CEP112: variants seen among roughly 807,000 people sequenced by gnomAD.
The protein encoded by CEP112 is centrosomal protein of 112 kDa.
In CEP112, 127 loss-of-function variants were observed where a neutral mutation model predicts 153.0. That is an observed-to-expected ratio of 0.83 (90% confidence interval 0.72 to 0.96). The LOEUF (loss-of-function observed/expected upper bound fraction) is 0.96, where lower values mean the gene tolerates loss of function less well. Ranked by LOEUF, CEP112 falls within the 40% of genes least tolerant of loss-of-function variation. The pLI, the probability that CEP112 is intolerant of heterozygous loss-of-function variation, is 0.00. For synonymous variants in CEP112, 358 were observed against 374.4 expected, an observed-to-expected ratio of 0.96 and a Z score of 0.51; for missense variants, 1,089 against 1,101.2, an observed-to-expected ratio of 0.99 and a Z score of 0.16.
intron 20 of CEP112, among the ~76,000 whole-genome samples, chr17:65,888,372 C>T (rs2059355420): frequency 6.6e-6 from 1 of 152,052 alleles, no homozygotes; most frequent in African/African-American, 2.4e-5. Context: ...AGAATCCTTG[C>T]AGGGGAGGCC....
chr17:66,024,448 A>G (rs1470002040), intron 16 of CEP112, among the ~76,000 whole-genome samples: 1 of 152,114 alleles, frequency 6.6e-6, no homozygotes, highest in African/African-American at 2.4e-5. Context: ...AACCTCTTAA[A>G]TATTAAAACT....
intron 4 of CEP112, among the ~76,000 whole-genome samples, chr17:66,150,371 T>TG (rs1012304961): frequency 2.0e-5 from 3 of 151,746 alleles, no homozygotes; most frequent in Non-Finnish European, 4.4e-5. Flanking sequence ...CTAATTTTTT[T>TG]TTGTTATTTT....
intron 17 of CEP112, among the ~76,000 whole-genome samples, chr17:65,970,207 T>TAA: frequency 8.0e-6 from 1 of 125,240 alleles, no homozygotes; most frequent in African/African-American, 2.7e-5. Context: ...TGCATGCATG[T>TAA]CATGCATGCA....
At chr17:66,117,055 T>G (rs898208350) in intron 6 of CEP112, among the ~76,000 whole-genome samples, 1 of 151,898 alleles carries the variant, frequency 6.6e-6, no homozygotes, top group African/African-American at 2.4e-5. Flanking sequence ...TTACAAAAAT[T>G]TTTACAAAAA....
At chr17:65,938,978 ATTG>A (rs1039051740) in intron 18 of CEP112, among the ~76,000 whole-genome samples, 2 of 151,900 alleles carry the variant, frequency 1.3e-5, no homozygotes, top group African/African-American at 4.8e-5. Flanking sequence ...TGCCCAACTA[ATTG>A]TTGTATTTTT....
chr17:65,781,244 C>A (rs2053978981), intron 21 of CEP112, among the ~76,000 whole-genome samples: 1 of 152,068 alleles, frequency 6.6e-6, no homozygotes, highest in Non-Finnish European at 1.5e-5. Flanking sequence ...AGAGCCAAAT[C>A]AGGAATGCAA....
chr17:65,956,377 TAAAG>T lies in CEP112; in HGVS notation c.1872+5082_1872+5085del, dbSNP rs1303707913. ...AAATGCCCGTAAGTCAACGAGTGGA[TAAAG>T]AAATTATGATATATATACATACATA... On this transcript the variant is annotated intron_variant, in intron 18 of 26. Coordinates refer to ENST00000535342, the MANE Select transcript of CEP112 (RefSeq NM_001199165.4). Among the ~76,000 whole-genome samples, 6 of 148,554 alleles carry T rather than the reference TAAAG, an allele frequency of 4.0e-5. No homozygotes were observed. In the East Asian group the frequency reaches 1.2e-3, roughly 30 times the overall value.
chr17:65,862,814 A>T lies in CEP112; in HGVS notation c.2164-10780T>A, dbSNP rs1055611937. 4.3e-4 allele frequency among the ~76,000 whole-genome samples: 66 copies of T among 152,302 alleles called. 1 individual carries two copies. The highest frequency in any genetic ancestry group is 2.9e-3 in the Admixed American group (45 of 15,296). On this transcript the variant is annotated intron_variant, in intron 20 of 26. Coordinates refer to ENST00000535342, the MANE Select transcript of CEP112 (RefSeq NM_001199165.4). ...AAATTTTAGGACAATAATTATTTTT[A>T]ATACATTGTAAGAGTGCTACTATTT...
chr17:65,922,432 T>A (rs1426701552), intron 19 of CEP112, among the ~76,000 whole-genome samples: 1 of 152,198 alleles, frequency 6.6e-6, no homozygotes, highest in Non-Finnish European at 1.5e-5. Context: ...TTTTATTTAG[T>A]CAAATGCATT....
intron 19 of CEP112, among the ~76,000 whole-genome samples, chr17:65,903,773 G>T (rs943749137): frequency 2.0e-5 from 3 of 152,164 alleles, no homozygotes; most frequent in Non-Finnish European, 4.4e-5. Context: ...CCATGATCAA[G>T]TCGGCTTCAT....
chr17:65,908,847 T>C (rs558112383), intron 19 of CEP112, among the ~76,000 whole-genome samples: 1 of 152,312 alleles, frequency 6.6e-6, no homozygotes, highest in African/African-American at 2.4e-5. Context: ...TACAGCTTGA[T>C]GATGACGTCT....
chr17:65,748,294 C>T (rs915071055), intron 22 of CEP112, among the ~76,000 whole-genome samples: 6 of 152,118 alleles, frequency 3.9e-5, no homozygotes, highest in East Asian at 1.9e-4. Flanking sequence ...TTTGGTGTTG[C>T]GCTGTCCCTT....
chr17:65,677,073 GACAA>G (rs35383076), intron 24 of CEP112, among the ~76,000 whole-genome samples: 17,084 of 152,032 alleles, frequency 0.11, 1,115 homozygotes, highest in Admixed American at 0.2. Context: ...TCAGGGCCAA[GACAA>G]ACAGATTGCA....
intron 4 of CEP112, among the ~76,000 whole-genome samples, chr17:66,165,198 C>T (rs1321379633): frequency 1.3e-5 from 2 of 150,572 alleles, no homozygotes; most frequent in African/African-American, 4.9e-5. Context: ...TTTGCAATGG[C>T]CAAGCAGAAG....
chr17:66,142,031 G>C (rs1273817154), intron 4 of CEP112, among the ~76,000 whole-genome samples: 2 of 152,078 alleles, frequency 1.3e-5, no homozygotes, highest in Non-Finnish European at 2.9e-5. Flanking sequence ...TCCAAATCCT[G>C]GACAACACTT....
intron 21 of CEP112, among the ~76,000 whole-genome samples, chr17:65,761,055 ATCCT>A (rs1386577617): frequency 3.3e-5 from 5 of 152,148 alleles, no homozygotes; most frequent in South Asian, 2.1e-4. Flanking sequence ...TTTATTTATA[ATCCT>A]TACAATACTC....
intron 17 of CEP112, among the ~76,000 whole-genome samples, chr17:65,964,263 G>C (rs2062329374): frequency 6.6e-6 from 1 of 152,092 alleles, no homozygotes. Context: ...AGGCTTTTTT[G>C]CCACCTAATG....
intron 21 of CEP112, among the ~76,000 whole-genome samples, chr17:65,774,016 G>A (rs1248064787): frequency 6.6e-6 from 1 of 151,668 alleles, no homozygotes; most frequent in Non-Finnish European, 1.5e-5. Flanking sequence ...GAATCCGGGA[G>A]GTGGAAGTTG....
intron 21 of CEP112, among the ~76,000 whole-genome samples, chr17:65,809,082 CT>C (rs1469855811): frequency 2.6e-5 from 4 of 152,092 alleles, no homozygotes; most frequent in Non-Finnish European, 5.9e-5. Context: ...AATTTCTATT[CT>C]TTATAAATTA....
Sources: gnomAD v4.1 joint callset for allele counts (sites outside exome capture counted in the v4.1 genomes callset) on GRCh38, gnomAD v4.1.1 for gene constraint, MANE v1.5 for transcripts, NCBI Gene and HGNC (gene_info 2026-07-23, HGNC 2026-07-21) for gene names.